Variants in HIVEP1 observed in about 807,000 individuals in gnomAD.
The protein encoded by HIVEP1 is HIVEP zinc finger 1.
HIVEP1 carries 36 observed loss-of-function variants against 180.0 expected under a neutral mutation model. The ratio of observed to expected loss-of-function variants is 0.20; its 90% CI spans 0.15 to 0.26. The LOEUF is 0.26. Ranked by LOEUF, HIVEP1 falls within the 10% of genes least tolerant of loss-of-function variation. HIVEP1 has a pLI of 1.00. For synonymous variants in HIVEP1, 1,239 were observed against 1,239.0 expected, an observed-to-expected ratio of 1.00 and a Z score of 0.00; for missense variants, 3,143 against 3,268.7, an observed-to-expected ratio of 0.96 and a Z score of 0.94.
At chr6:12,085,742 A>G (rs986214340) in intron 2 of HIVEP1, among the ~76,000 whole-genome samples, 2 of 152,160 alleles carry the variant, frequency 1.3e-5, no homozygotes, top group African/African-American at 4.8e-5. Context: ...GACCCTCCCC[A>G]CACGCACTTT....
At chr6:12,107,523 C>T (rs1581694203) in intron 3 of HIVEP1, among the ~76,000 whole-genome samples, 1 of 152,140 alleles carries the variant, frequency 6.6e-6, no homozygotes, top group South Asian at 2.1e-4. Context: ...AAGCTGCGGA[C>T]CCTCACGGTG....
At chr6:12,034,539 A>G (rs1193362658) in intron 2 of HIVEP1, among the ~76,000 whole-genome samples, 1 of 152,212 alleles carries the variant, frequency 6.6e-6, no homozygotes, top group Non-Finnish European at 1.5e-5. Context: ...AGTTAAGACA[A>G]GCCCAAAACT....
chr6:12,087,486 A>T (rs1471228875), intron 2 of HIVEP1, among the ~76,000 whole-genome samples: 3 of 152,118 alleles, frequency 2.0e-5, no homozygotes, highest in Non-Finnish European at 4.4e-5. Context: ...TGGGTGAATT[A>T]CTGGCATAGA....
intron 2 of HIVEP1, among the ~76,000 whole-genome samples, chr6:12,065,692 CGT>C (rs61620887): frequency 0.36 from 52,861 of 144,896 alleles, 9,433 homozygotes; most frequent in Middle Eastern, 0.52. Flanking sequence ...TGTGTGTGTG[CGT>C]GTGTGTGTGT....
At chr6:12,057,032 T>C (rs1053419242) in intron 2 of HIVEP1, among the ~76,000 whole-genome samples, 1 of 152,016 alleles carries the variant, frequency 6.6e-6, no homozygotes, top group Non-Finnish European at 1.5e-5. Flanking sequence ...GTAGAGATGG[T>C]GTTTCACCAT....
At chr6:12,208,714 G>C in the HIVEP1 span, among the ~76,000 whole-genome samples, 1 of 152,170 alleles carries the variant, frequency 6.6e-6, no homozygotes, top group African/African-American at 2.4e-5. Context: ...GACACACACA[G>C]AGGGAATCCC....
intron 2 of HIVEP1, among the ~76,000 whole-genome samples, chr6:12,045,044 T>C (rs895116241): frequency 1.3e-5 from 2 of 152,370 alleles, no homozygotes; most frequent in South Asian, 4.1e-4. Flanking sequence ...TGTGGCTATT[T>C]AGATGAGTTG....
intron 2 of HIVEP1, among the ~76,000 whole-genome samples, chr6:12,085,366 A>G (rs1773051260): frequency 6.6e-6 from 1 of 152,066 alleles, no homozygotes; most frequent in Admixed American, 6.6e-5. Context: ...GGTCTGGTTG[A>G]GCCTGGACTT....
At chr6:12,174,765 G>C in the HIVEP1 span, among the ~76,000 whole-genome samples, 1 of 152,126 alleles carries the variant, frequency 6.6e-6, no homozygotes, top group African/African-American at 2.4e-5. Context: ...TGATGGACTT[G>C]TATTGTCTCT....
At chr6:12,209,769 GTTAA>G in the HIVEP1 span, among the ~76,000 whole-genome samples, 2 of 152,142 alleles carry the variant, frequency 1.3e-5, no homozygotes, top group Non-Finnish European at 1.5e-5. Context: ...AATTAATTAT[GTTAA>G]TTAATATATG....
chr6:12,153,929 C>T (rs1759859576), intron 7 of HIVEP1, among the ~76,000 whole-genome samples: 2 of 152,170 alleles, frequency 1.3e-5, no homozygotes, highest in African/African-American at 4.8e-5. Context: ...AGGTAGATCA[C>T]TTGAGGTCAG....
chr6:12,121,537 T>C lies in HIVEP1; in HGVS notation c.1742T>C (p.Met581Thr). ...TTAAGAACTGACAGTCCAAAGGCCA[T>C]GGATCCCAAGCCTGAACTTTCTAGT... Reference protein sequence around the residue: ...SPLRTDSPKAMDPKPELSSAQ... With the variant: ...SPLRTDSPKATDPKPELSSAQ... Residue 581 changes from methionine to threonine, a missense_variant, in exon 4 of 9, where the codon ATG becomes ACG. Met to Thr is a moderately conservative substitution (Grantham distance 81). Coordinates refer to ENST00000379388, the MANE Select transcript of HIVEP1 (RefSeq NM_002114.4). This position sits in a 1 kb window ranked among gnomAD's most constrained non-coding sequence, Gnocchi z 5.3. The C allele has an allele frequency of 6.2e-7, 1 of 1,614,144 alleles. No individual in the cohort carries two copies.
chr6:12,120,663 T>C lies in HIVEP1; in HGVS notation c.868T>C (p.Phe290Leu). The C allele has an allele frequency of 6.2e-7, 1 of 1,614,214 alleles. No homozygotes were observed. Among genetic ancestry groups the C allele is most frequent in the East Asian group, 2.2e-5 (1 of 44,886 alleles). Reference protein sequence around the residue: ...ASHLYHQHEHFVPKSNQHNQQ... With the variant: ...ASHLYHQHEHLVPKSNQHNQQ... ...TCATTTGTATCATCAACATGAACAC[T>C]TTGTTCCCAAATCCAACCAACATAA... Residue 290 changes from phenylalanine (F) to leucine (L), a missense_variant, in exon 4 of 9, where the codon TTT (phenylalanine) becomes CTT (leucine). Phe to Leu is a conservative substitution (Grantham distance 22). Coordinates refer to ENST00000379388, the MANE Select transcript of HIVEP1 (RefSeq NM_002114.4).
intron 2 of HIVEP1, among the ~76,000 whole-genome samples, chr6:12,036,695 G>A (rs1769295859): frequency 6.6e-6 from 1 of 152,232 alleles, no homozygotes; most frequent in Admixed American, 6.5e-5. Context: ...CCTGAGGTCA[G>A]GAGTTCGAGA....
At chr6:12,204,848 T>C in the HIVEP1 span, among the ~76,000 whole-genome samples, 246 of 152,182 alleles carry the variant, frequency 1.6e-3, 1 homozygote, top group African/African-American at 5.6e-3. Flanking sequence ...AGAGAAGCAA[T>C]ATGTAAGCAA....
intron 2 of HIVEP1, among the ~76,000 whole-genome samples, chr6:12,019,043 T>G (rs1035647192): frequency 6.6e-6 from 1 of 152,220 alleles, no homozygotes; most frequent in Non-Finnish European, 1.5e-5. Flanking sequence ...AGGAAGTTGT[T>G]TGACTAAGGT....
chr6:12,054,448 G>A (rs1277566428), intron 2 of HIVEP1, among the ~76,000 whole-genome samples: 1 of 151,880 alleles, frequency 6.6e-6, no homozygotes, highest in Non-Finnish European at 1.5e-5. Flanking sequence ...ACCTACATAT[G>A]TATCTAGACT....
At chr6:12,031,859 G>T (rs960961457) in intron 2 of HIVEP1, among the ~76,000 whole-genome samples, 2 of 152,104 alleles carry the variant, frequency 1.3e-5, no homozygotes, top group Non-Finnish European at 2.9e-5. Context: ...CATTTCCTAT[G>T]AATGTGTACC....
intron 2 of HIVEP1, among the ~76,000 whole-genome samples, chr6:12,045,184 C>T (rs1770047306): frequency 6.6e-6 from 1 of 152,132 alleles, no homozygotes; most frequent in African/African-American, 2.4e-5. Flanking sequence ...TATGCTTGAT[C>T]AGAAGTTGGC....
Sources: allele counts gnomAD v4.1 joint callset (sites outside exome capture counted in the v4.1 genomes callset), GRCh38; gene constraint gnomAD v4.1.1; non-coding constraint Gnocchi (gnomAD v3.1); transcripts MANE v1.5; gene names NCBI Gene and HGNC (gene_info 2026-07-23, HGNC 2026-07-21).